The following PEX5L variants were observed in gnomAD, a reference collection of about 807,000 sequenced individuals.
PEX5L encodes PEX5-related protein.
A neutral mutation model predicts 84.0 loss-of-function variants in PEX5L; 30 were observed. The observed-to-expected ratio is 0.36, with a 90% CI of 0.27 to 0.48. The LOEUF is 0.48. Among genes scored for constraint, PEX5L ranks in the 20% least tolerant of loss-of-function variants. The pLI, the probability that PEX5L is intolerant of heterozygous loss-of-function variation, is 0.99. For synonymous variants in PEX5L, 270 were observed against 283.1 expected, an observed-to-expected ratio of 0.95 and a Z score of 0.46; for missense variants, 533 against 754.6, an observed-to-expected ratio of 0.71 and a Z score of 3.44.
rs930842992 is a variant in PEX5L, at chr3:179,797,911, A to G, written c.*3917T>C. 6.6e-6 allele frequency: 1 copy of G among 152,192 alleles called. No individual in the cohort carries two copies. The highest frequency in any genetic ancestry group is 2.4e-5 in the African/African-American group (1 of 41,450). The allele number at this position is 152,192 out of a possible 1,614,324, so 9.4% of individuals were successfully genotyped here. On this transcript the variant is annotated 3_prime_UTR_variant, in exon 15 of 15. Coordinates refer to ENST00000467460, the MANE Select transcript of PEX5L (RefSeq NM_016559.3). ...TGCTACAACAACTAGCTTAAAGTAC[A>G]GTCCAATCTTGGGGAACTGATTCAG...
chr3:179,945,651 TAACAGAATTGTACCTTC>T (rs1777317871), intron 2 of PEX5L, among the ~76,000 whole-genome samples: 1 of 152,144 alleles, frequency 6.6e-6, no homozygotes, highest in Non-Finnish European at 1.5e-5. Flanking sequence ...AATAAACATT[TAACAGAATTGTACCTTC>T]CGTCCATGGG....
intron 2 of PEX5L, among the ~76,000 whole-genome samples, chr3:179,899,455 G>A (rs1307177320): frequency 1.3e-5 from 2 of 152,018 alleles, no homozygotes; most frequent in Admixed American, 1.3e-4. Flanking sequence ...ATTGGAAAAG[G>A]GAATTAAGAG....
At chr3:179,997,224 G>T (rs1051536093) in intron 1 of PEX5L, among the ~76,000 whole-genome samples, 1 of 152,136 alleles carries the variant, frequency 6.6e-6, no homozygotes, top group Non-Finnish European at 1.5e-5. Flanking sequence ...GACATTTCAG[G>T]GACTACTGGA....
chr3:179,900,624 C>T, intron 2 of PEX5L: 1 of 1,282,550 alleles, frequency 7.8e-7, no homozygotes, highest in South Asian at 1.3e-5. Context: ...AAAGGATGTA[C>T]AATAAATACA....
intron 8 of PEX5L, among the ~76,000 whole-genome samples, chr3:179,831,430 A>G (rs1402140366): frequency 6.6e-6 from 1 of 152,170 alleles, no homozygotes; most frequent in Non-Finnish European, 1.5e-5. Context: ...TTTGAAGGGT[A>G]GCATCTTCTC....
intron 2 of PEX5L, among the ~76,000 whole-genome samples, chr3:179,935,175 T>G (rs1364628030): frequency 2.6e-5 from 4 of 152,156 alleles, no homozygotes; most frequent in Non-Finnish European, 5.9e-5. Flanking sequence ...AATGATACTT[T>G]TGAATAATTT....
chr3:179,894,304 T>G (rs765245114), intron 3 of PEX5L, among the ~76,000 whole-genome samples: 3 of 151,992 alleles, frequency 2.0e-5, no homozygotes, highest in Non-Finnish European at 2.9e-5. Flanking sequence ...AAATCCAGAT[T>G]TTTAGAGCTC....
intron 1 of PEX5L, among the ~76,000 whole-genome samples, chr3:179,995,216 ACTAT>A (rs1364602915): frequency 1.4e-5 from 2 of 148,038 alleles, no homozygotes; most frequent in African/African-American, 2.5e-5. Context: ...ATATACACAC[ACTAT>A]CTACATAGTG....
chr3:179,816,973 C>T (rs1219195881), intron 9 of PEX5L, among the ~76,000 whole-genome samples: 1 of 151,874 alleles, frequency 6.6e-6, no homozygotes, highest in African/African-American at 2.4e-5. Flanking sequence ...TCAACAGTTT[C>T]CCCTCAAGAT....
In PEX5L at chr3:179,802,036, A is replaced by C; in HGVS notation, c.1677-4T>G. On this transcript the variant is annotated splice_region_variant and splice_polypyrimidine_tract_variant and intron_variant, in intron 14 of 14. Coordinates refer to ENST00000467460, the MANE Select transcript of PEX5L (RefSeq NM_016559.3). ...GAGAAAATTGCTGACCGCTTCTCTAAGAAGGTAGAAAAACATATTTTAAAA... is the reference window on the plus strand; with the variant it reads ...GAGAAAATTGCTGACCGCTTCTCTACGAAGGTAGAAAAACATATTTTAAAA... The C allele has an allele frequency of 5.0e-6, 8 of 1,602,028 alleles. No individual in the cohort carries two copies. Among genetic ancestry groups the C allele is most frequent in the Non-Finnish European group, 6.8e-6 (8 of 1,169,368 alleles).
At chr3:179,847,671 T>C (rs1469255128) in intron 8 of PEX5L, among the ~76,000 whole-genome samples, 1 of 152,142 alleles carries the variant, frequency 6.6e-6, no homozygotes, top group East Asian at 1.9e-4. Context: ...TATTTAGTCA[T>C]TCAGTATTTT....
chr3:179,880,186 T>C lies in PEX5L; in HGVS notation c.311-63A>G, dbSNP rs570013510. 214 of 1,050,702 alleles carry C rather than the reference T, an allele frequency of 2.0e-4. 4 individuals carry two copies. In the South Asian group the frequency reaches 3.5e-3, roughly 17 times the overall value. 65.1% of individuals were successfully genotyped at this position (1,050,702 alleles called of 1,614,324 possible). ...CTACTCTGAAATTATTTAAAATAGGTTTCAGTTGGGTACAGAAAGATTTTA... is the reference window on the plus strand; with the variant it reads ...CTACTCTGAAATTATTTAAAATAGGCTTCAGTTGGGTACAGAAAGATTTTA... On this transcript the variant is annotated intron_variant, in intron 4 of 14. Coordinates refer to ENST00000467460, the MANE Select transcript of PEX5L (RefSeq NM_016559.3).
intron 1 of PEX5L, among the ~76,000 whole-genome samples, chr3:179,997,778 G>A (rs113736091): frequency 6.6e-6 from 1 of 152,102 alleles, no homozygotes; most frequent in East Asian, 1.9e-4. Context: ...ACATCTCCTG[G>A]TACCTGGTAT....
intron 5 of PEX5L, among the ~76,000 whole-genome samples, chr3:179,876,432 G>T (rs942773186): frequency 1.3e-5 from 2 of 151,916 alleles, no homozygotes; most frequent in Non-Finnish European, 2.9e-5. Context: ...GGGAGGTGGA[G>T]GTTGCAGTGG....
chr3:179,928,081 G>A (rs150515069), intron 2 of PEX5L, among the ~76,000 whole-genome samples: 19 of 152,218 alleles, frequency 1.2e-4, no homozygotes, highest in Admixed American at 3.9e-4. Context: ...TTATGTTAAG[G>A]TTGATCAGTG....
intron 4 of PEX5L, among the ~76,000 whole-genome samples, chr3:179,884,218 C>T (rs182989644): frequency 5.0e-4 from 76 of 152,276 alleles, no homozygotes; most frequent in Middle Eastern, 6.8e-3. Context: ...AAATATGTTA[C>T]CTTGACATGT....
chr3:180,034,471 T>C (rs1791719547), intron 1 of PEX5L, among the ~76,000 whole-genome samples: 1 of 152,164 alleles, frequency 6.6e-6, no homozygotes, highest in African/African-American at 2.4e-5. Context: ...CGTTATTTTG[T>C]CCATAGGCTA....
intron 7 of PEX5L, among the ~76,000 whole-genome samples, chr3:179,860,685 C>T (rs1253996909): frequency 6.6e-6 from 1 of 152,204 alleles, no homozygotes; most frequent in Non-Finnish European, 1.5e-5. Flanking sequence ...TCTATTGTGA[C>T]ACGATAGTAC....
At chr3:179,951,772 G>A (rs1779150782) in intron 2 of PEX5L, among the ~76,000 whole-genome samples, 1 of 152,156 alleles carries the variant, frequency 6.6e-6, no homozygotes, top group Admixed American at 6.5e-5. Flanking sequence ...TAAGTACATA[G>A]AGTGTATACT....
Sources: gnomAD v4.1 joint callset for allele counts (sites outside exome capture counted in the v4.1 genomes callset) on GRCh38, gnomAD v4.1.1 for gene constraint, MANE v1.5 for transcripts, NCBI Gene and HGNC (gene_info 2026-07-23, HGNC 2026-07-21) for gene names.